TLE1: variants seen among roughly 807,000 people sequenced by gnomAD.
TLE1 encodes transducin-like enhancer protein 1.
In TLE1, 21 loss-of-function variants were observed where a neutral mutation model predicts 89.8. The ratio of observed to expected loss-of-function variants is 0.23; its 90% CI spans 0.17 to 0.34. The LOEUF is 0.34. TLE1 is among the 10% of genes least tolerant of loss of function. The pLI, the probability that TLE1 is intolerant of heterozygous loss-of-function variation, is 1.00. For synonymous variants in TLE1, 447 were observed against 407.6 expected (o/e 1.10, Z -1.16); for missense variants, 795 against 1,031.2 (o/e 0.77, Z 3.14).
chr9:81,631,384 C>A (rs1336661286), intron 8 of TLE1, among the ~76,000 whole-genome samples: 1 of 152,218 alleles, frequency 6.6e-6, no homozygotes, highest in Non-Finnish European at 1.5e-5. Flanking sequence ...AAACCTCTGC[C>A]TATTCACACC....
intron 14 of TLE1, among the ~76,000 whole-genome samples, chr9:81,599,450 T>C (rs1830632871): frequency 6.6e-6 from 1 of 152,088 alleles, no homozygotes; most frequent in Non-Finnish European, 1.5e-5. Context: ...TGAGTGTGAC[T>C]GTGGGGGCTG....
chr9:81,649,141 G>A (rs560857189), intron 6 of TLE1, among the ~76,000 whole-genome samples: 10 of 152,168 alleles, frequency 6.6e-5, no homozygotes, highest in Non-Finnish European at 1.0e-4. Context: ...TATTTCAATA[G>A]TCTCTCCAGT....
intron 6 of TLE1, among the ~76,000 whole-genome samples, chr9:81,641,283 G>C (rs2132465295): frequency 6.6e-6 from 1 of 152,264 alleles, no homozygotes; most frequent in South Asian, 2.1e-4. Context: ...CTGTCTGGCA[G>C]CAGAAAACAT....
Position 81,616,737 on chromosome 9 carries a change from T to C in TLE1, c.712-38A>G, listed in dbSNP as rs1274382481. On this transcript the variant is annotated intron_variant, in intron 9 of 19. Transcript: ENST00000376499. ...AACATTAACGCCATTTACTAAAAGC[T>C]AAGAATAGGTTTGAGGCACAGTTAG... The C allele has an allele frequency of 3.7e-6, 6 of 1,611,502 alleles. No homozygotes were observed. In the Admixed American group the frequency reaches 6.7e-5, roughly 18 times the overall value.
At chr9:81,612,304 CA>C in intron 12 of TLE1, 1 of 1,063,528 alleles carries the variant, frequency 9.4e-7, no homozygotes, top group Non-Finnish European at 1.1e-6. Context: ...GACTTAATCT[CA>C]AAAGAAGATT....
chr9:81,664,623 G>C lies in TLE1; in HGVS notation c.235-10587C>G, dbSNP rs77798267. 7.8e-3 allele frequency among the ~76,000 whole-genome samples: 1,193 copies of C among 151,986 alleles called. 15 individuals carry two copies. The highest frequency in any genetic ancestry group is 0.027 in the African/African-American group (1,132 of 41,440). ...ACGCCTACAATCCCAGCACTTTTGC[G>C]GGGCTGAGGCAGGAGGATACCTTGA... On this transcript the variant is annotated intron_variant, in intron 4 of 19. Coordinates refer to ENST00000376499, the MANE Select transcript of TLE1 (RefSeq NM_005077.5).
At position 81,596,356 on chromosome 9, in the gene TLE1, G is replaced by A. The variant is rs1223310844; in HGVS notation, c.1332-3082C>T. On this transcript the variant is annotated intron_variant, in intron 14 of 19. Coordinates refer to ENST00000376499, the MANE Select transcript of TLE1 (RefSeq NM_005077.5). ...GGGGGCCTCGCAGGAAGCTGGTGCTGCCTGCTGTGCTGGAGAGCCAAATCA... is the reference window on the plus strand; with the variant it reads ...GGGGGCCTCGCAGGAAGCTGGTGCTACCTGCTGTGCTGGAGAGCCAAATCA... 2.6e-5 allele frequency among the ~76,000 whole-genome samples: 4 copies of A among 152,162 alleles called. No individual in the cohort carries two copies. In the East Asian group the frequency reaches 5.8e-4, roughly 22 times the overall value.
At chr9:81,668,686 C>T (rs1831821778) in intron 4 of TLE1, among the ~76,000 whole-genome samples, 2 of 151,990 alleles carry the variant, frequency 1.3e-5, no homozygotes, top group Non-Finnish European at 2.9e-5. Flanking sequence ...ACCAAAAATA[C>T]ACATAATTAA....
In TLE1 at chr9:81,685,907, A is replaced by G. The variant is rs1292566909; in HGVS notation, c.126-11T>C. The G allele has an allele frequency of 1.2e-6, 2 of 1,612,718 alleles. No homozygotes were observed. The highest frequency in any genetic ancestry group is 1.7e-6 in the Non-Finnish European group (2 of 1,179,934). ...CATTCCAATTTAAGGCTAGGAAAACAAAACAGGCAACTTAATGTAAACATT... is the reference window on the plus strand; with the variant it reads ...CATTCCAATTTAAGGCTAGGAAAACGAAACAGGCAACTTAATGTAAACATT... On this transcript the variant is annotated splice_polypyrimidine_tract_variant and intron_variant, in intron 2 of 19. Transcript: ENST00000376499.
intron 4 of TLE1, among the ~76,000 whole-genome samples, chr9:81,665,159 C>A (rs1371144130): frequency 6.6e-6 from 1 of 152,202 alleles, no homozygotes; most frequent in Non-Finnish European, 1.5e-5. Context: ...TTACAAAACA[C>A]TGAGGCAAGA....
intron 14 of TLE1, among the ~76,000 whole-genome samples, chr9:81,607,434 A>AC (rs1239754104): frequency 1.3e-5 from 2 of 152,016 alleles, no homozygotes; most frequent in Non-Finnish European, 2.9e-5. Context: ...AGCTCTGCTC[A>AC]CCCGCCTTCC....
chr9:81,638,992 T>C (rs995264553), intron 6 of TLE1, among the ~76,000 whole-genome samples: 6 of 152,088 alleles, frequency 3.9e-5, no homozygotes, highest in African/African-American at 1.4e-4. Flanking sequence ...AGTGCAATCA[T>C]GGCTCACTGC....
intron 9 of TLE1, among the ~76,000 whole-genome samples, chr9:81,618,165 A>G (rs185042994): frequency 6.6e-6 from 1 of 152,342 alleles, no homozygotes; most frequent in East Asian, 1.9e-4. Flanking sequence ...ATGTAGGCAT[A>G]TGGAAAAAGC....
At chr9:81,623,409 C>T (rs1405016128) in intron 8 of TLE1, among the ~76,000 whole-genome samples, 1 of 152,088 alleles carries the variant, frequency 6.6e-6, no homozygotes, top group Non-Finnish European at 1.5e-5. Context: ...CCCATTCTAA[C>T]AAATCGAGGC....
chr9:81,590,332 T>C (rs1003678872), intron 16 of TLE1, among the ~76,000 whole-genome samples: 5 of 152,242 alleles, frequency 3.3e-5, no homozygotes, highest in Non-Finnish European at 5.9e-5. Context: ...TATTTCATTA[T>C]TGAGATACTT....
intron 6 of TLE1, among the ~76,000 whole-genome samples, chr9:81,644,570 T>C (rs1268528768): frequency 1.3e-5 from 2 of 152,034 alleles, no homozygotes; most frequent in African/African-American, 4.8e-5. Flanking sequence ...GGAGGAGACA[T>C]GAAGAATAAA....
chr9:81,657,932 CAG>C (rs1830340450), intron 4 of TLE1, among the ~76,000 whole-genome samples: 1 of 125,340 alleles, frequency 8.0e-6, no homozygotes, highest in African/African-American at 3.1e-5. Context: ...TTTTTTAAGA[CAG>C]AGTCTCGCTC....
intron 4 of TLE1, among the ~76,000 whole-genome samples, chr9:81,655,243 A>T (rs12346038): frequency 0.025 from 3,773 of 152,154 alleles, 149 homozygotes; most frequent in African/African-American, 0.085. Flanking sequence ...GGGCGCCTGT[A>T]ATACCAGCTA....
At chr9:81,652,429 T>C in intron 5 of TLE1, 141 bp from the exon 6 acceptor site, 1 of 628,046 alleles carries the variant, frequency 1.6e-6, no homozygotes, top group Non-Finnish European at 2.8e-6. Context: ...CCACACTTTA[T>C]TTTCACAGAA....
Sources: allele counts gnomAD v4.1 joint callset (sites outside exome capture counted in the v4.1 genomes callset), GRCh38; gene constraint gnomAD v4.1.1; transcripts MANE v1.5; gene names NCBI Gene and HGNC (gene_info 2026-07-23, HGNC 2026-07-21).